CLSTN3: variants seen among roughly 807,000 people sequenced by gnomAD.
The protein encoded by CLSTN3 is calsyntenin-3.
Under a neutral mutation model 95.9 loss-of-function variants are expected in CLSTN3, and 36 were observed. That is an observed-to-expected ratio of 0.38 (90% CI 0.29 to 0.50). The LOEUF is 0.50. Ranked by LOEUF, CLSTN3 falls within the 20% of genes least tolerant of loss-of-function variation. The pLI is 0.95. For missense variants in CLSTN3, 1,084 were observed against 1,268.8 expected (o/e 0.85, Z 2.21); for synonymous variants, 481 against 504.0 (o/e 0.95, Z 0.61).
chr12:7,157,872 G>C lies in CLSTN3; in HGVS notation c.2731-69G>C. The C allele has an allele frequency of 6.5e-7, 1 of 1,538,700 alleles. No homozygotes were observed. The highest frequency in any genetic ancestry group is 8.7e-7 in the Non-Finnish European group (1 of 1,143,854). ...GGTTAAGGGGACCGAGGGAAGTGTGGTCCCTGAAAGAGAGGCTGGGATGTG... is the reference window on the plus strand; with the variant it reads ...GGTTAAGGGGACCGAGGGAAGTGTGCTCCCTGAAAGAGAGGCTGGGATGTG... On this transcript the variant is annotated intron_variant, in intron 17 of 17. Transcript: ENST00000266546. The surrounding 1 kb of genome is among the most constrained non-coding windows in gnomAD (Gnocchi z 5.9).
At position 7,157,674 on chromosome 12, in the gene CLSTN3, A is replaced by G; in HGVS notation, c.2713A>G (p.Ile905Val). 1 of 1,593,340 alleles carries G rather than the reference A, an allele frequency of 6.3e-7. No homozygotes were observed. Among genetic ancestry groups the G allele is most frequent in the Non-Finnish European group, 8.6e-7 (1 of 1,169,198 alleles). The change falls in exon 17 of 18, where the codon ATT becomes GTT. Residue 905 changes from isoleucine (I) to valine (V), a missense_variant. Ile to Val is a conservative substitution (Grantham distance 29, BLOSUM62 3). Coordinates refer to ENST00000266546, the MANE Select transcript of CLSTN3 (RefSeq NM_014718.4). The surrounding 1 kb of genome is among the most constrained non-coding windows in gnomAD (Gnocchi z 5.9). ...LFWDDSALTI[I>V]VNPMESYQNR... ...CTGGGATGACTCAGCTCTCACCATC[A>G]TTGTGAACCCCATGGAGGTGAGAGG...
At position 7,157,459 on chromosome 12, in the gene CLSTN3, G is replaced by A. The variant is rs368811776; in HGVS notation, c.2528-30G>A. 6.6e-5 allele frequency: 101 copies of A among 1,526,874 alleles called. No homozygotes were observed. Among genetic ancestry groups the A allele is most frequent in the Middle Eastern group, 5.5e-4 (3 of 5,406 alleles). 94.6% of individuals were successfully genotyped at this position (1,526,874 alleles called of 1,614,324 possible). ...AGTGCCCCCAGGTGTGCCTAGTCACGCTCTGCTCACCCCCGCGCTCTCTCT... is the reference window on the plus strand; with the variant it reads ...AGTGCCCCCAGGTGTGCCTAGTCACACTCTGCTCACCCCCGCGCTCTCTCT... On this transcript the variant is annotated intron_variant, in intron 16 of 17. Transcript: ENST00000266546. The surrounding 1 kb of genome is among the most constrained non-coding windows in gnomAD (Gnocchi z 5.9).
At position 7,133,480 on chromosome 12, in the gene CLSTN3, G is replaced by T; in HGVS notation, c.188-93G>T. The T allele has an allele frequency of 8.1e-7, 1 of 1,237,764 alleles. No homozygotes were observed. The highest frequency in any genetic ancestry group is 1.2e-6 in the Non-Finnish European group (1 of 855,508). The allele number at this position is 1,237,764 out of a possible 1,614,324, so 76.7% of individuals were successfully genotyped here. On this transcript the variant is annotated intron_variant, in intron 2 of 17. Coordinates refer to ENST00000266546, the MANE Select transcript of CLSTN3 (RefSeq NM_014718.4). The surrounding 1 kb of genome is among the most constrained non-coding windows in gnomAD (Gnocchi z 4.7). The stretch of plus-strand genomic sequence containing the variant: ...CCTACAGGAGAAGGGACAGGGCTTT[G>T]GGAGGAGAGGTGGAGCTGGACCCCA...
chr12:7,135,411 G>T lies in CLSTN3; in HGVS notation c.468G>T (p.Glu156Asp), dbSNP rs758688276. Residue 156 changes from glutamate to aspartate, a missense_variant, in exon 4 of 18, where the codon GAG becomes GAT. Transcript: ENST00000266546. ...GGCTGTATCGTGCGGCTGTGACAGA[G>T]GGGAAGCTGTACGATCGCATCCTGC... ...VERLYRAAVT[E>D]GKLYDRILRV... 2 of 1,614,168 alleles carry T rather than the reference G, an allele frequency of 1.2e-6. No individual in the cohort carries two copies. The highest frequency in any genetic ancestry group is 1.7e-5 in the Admixed American group (1 of 60,028).
intron 1 of CLSTN3, 183 bp from the exon 2 acceptor site, chr12:7,132,841 C>A: frequency 2.7e-6 from 2 of 728,080 alleles, no homozygotes; most frequent in South Asian, 1.6e-5. Context: ...CTCCCGCAGA[C>A]CCTCTGACTC....
intron 3 of CLSTN3, 92 bp from the exon 4 acceptor site, chr12:7,135,235 A>C (rs1939382379): frequency 3.4e-6 from 4 of 1,189,760 alleles, no homozygotes; most frequent in Non-Finnish European, 3.7e-6. Flanking sequence ...TCGAGGCTGT[A>C]CCTCGGTGTG....
intron 1 of CLSTN3, among the ~76,000 whole-genome samples, chr12:7,132,184 G>A (rs1939316917): frequency 6.6e-6 from 1 of 152,192 alleles, no homozygotes; most frequent in African/African-American, 2.4e-5. Context: ...GGATGGGGTA[G>A]ATAAGAACTG....
intron 12 of CLSTN3, among the ~76,000 whole-genome samples, chr12:7,146,392 C>A (rs1021012776): frequency 1.3e-5 from 2 of 152,050 alleles, no homozygotes; most frequent in African/African-American, 4.8e-5. Flanking sequence ...AAAGCGAGAC[C>A]CTGTCTCTAA....
Position 7,150,761 on chromosome 12 carries a change from A to G in CLSTN3, c.2391+72A>G, listed in dbSNP as rs1939709866. 9 of 1,585,886 alleles carry G rather than the reference A, an allele frequency of 5.7e-6. No homozygotes were observed. Among genetic ancestry groups the G allele is most frequent in the African/African-American group, 1.3e-5 (1 of 74,478 alleles). On this transcript the variant is annotated intron_variant, in intron 15 of 17. Transcript: ENST00000266546. The surrounding 1 kb of genome is among the most constrained non-coding windows in gnomAD (Gnocchi z 4.0). Reference sequence around the variant, plus strand: ...GGAGCTGAGGTGGCATGGACTCAAAATGTTAGTTGGTGGGCATGGACATGG... The same window carrying G: ...GGAGCTGAGGTGGCATGGACTCAAAGTGTTAGTTGGTGGGCATGGACATGG...
chr12:7,133,568 G>C lies in CLSTN3; in HGVS notation c.188-5G>C, dbSNP rs748515566. Reference sequence around the variant, plus strand: ...CCTCACTCCTCCCCTTCTCCCCTTTGCCAGGTGAGATCTGCGGCTTCCGGC... The same window carrying C: ...CCTCACTCCTCCCCTTCTCCCCTTTCCCAGGTGAGATCTGCGGCTTCCGGC... On this transcript the variant is annotated splice_region_variant and splice_polypyrimidine_tract_variant and intron_variant, in intron 2 of 17. Coordinates refer to ENST00000266546, the MANE Select transcript of CLSTN3 (RefSeq NM_014718.4). This position sits in a 1 kb window ranked among gnomAD's most constrained non-coding sequence, Gnocchi z 4.7. The C allele has an allele frequency of 6.2e-7, 1 of 1,613,752 alleles. No homozygotes were observed. Among genetic ancestry groups the C allele is most frequent in the Non-Finnish European group, 8.5e-7 (1 of 1,179,880 alleles).
chr12:7,143,234 G>A lies in CLSTN3; in HGVS notation c.1770G>A (p.Leu590=). 6.2e-7 allele frequency: 1 copy of A among 1,613,948 alleles called. No individual in the cohort carries two copies. Residue 590 remains leucine (L), a synonymous_variant, in exon 12 of 18, where the codon CTG becomes CTA. Coordinates refer to ENST00000266546, the MANE Select transcript of CLSTN3 (RefSeq NM_014718.4). ...GDDVETFNHA[L]QHVAYMNTLR... The stretch of plus-strand genomic sequence containing the variant: ...ATGTGGAGACCTTCAACCATGCCCT[G>A]CAGCATGTGGCTTACATGAACACTC...
chr12:7,150,790 C>A lies in CLSTN3; in HGVS notation c.2391+101C>A. ...TAGTTGGTGGGCATGGACATGGCAG[C>A]GTGGAGGGCTGCTGGACCTTGCAGT... On this transcript the variant is annotated intron_variant, in intron 15 of 17. Coordinates refer to ENST00000266546, the MANE Select transcript of CLSTN3 (RefSeq NM_014718.4). The surrounding 1 kb of genome is among the most constrained non-coding windows in gnomAD (Gnocchi z 4.0). 6.4e-7 allele frequency: 1 copy of A among 1,561,808 alleles called. No individual in the cohort carries two copies. Among genetic ancestry groups the A allele is most frequent in the African/African-American group, 1.3e-5 (1 of 74,280 alleles).
intron 3 of CLSTN3, among the ~76,000 whole-genome samples, chr12:7,134,301 G>T (rs1277943629): frequency 6.6e-6 from 1 of 152,220 alleles, no homozygotes; most frequent in Non-Finnish European, 1.5e-5. Context: ...ATAGCTCTAG[G>T]TGAGGGTGGG....
chr12:7,142,525 C>T lies in CLSTN3; in HGVS notation c.1541-344C>T, dbSNP rs760069807. ...ACGTTCTCTCCTGCCGCCTCCCCCT[C>T]CCTCCTTGTTTTGACTCTTTCCTCC... On this transcript the variant is annotated intron_variant, in intron 10 of 17. Coordinates refer to ENST00000266546, the MANE Select transcript of CLSTN3 (RefSeq NM_014718.4). Among the ~76,000 whole-genome samples, 8 of 152,144 alleles carry T rather than the reference C, an allele frequency of 5.3e-5. No homozygotes were observed. The East Asian group carries it at 1.5e-3, about 29-fold the overall frequency.
At chr12:7,132,877 A>C in intron 1 of CLSTN3, 147 bp from the exon 2 acceptor site, 2 of 1,068,982 alleles carry the variant, frequency 1.9e-6, no homozygotes, top group Non-Finnish European at 2.8e-6. Flanking sequence ...TCTTGTCCTC[A>C]ACCACCCGCC....
intron 12 of CLSTN3, 93 bp from the exon 13 acceptor site, chr12:7,148,879 T>C (rs1939672447): frequency 3.9e-6 from 4 of 1,028,304 alleles, no homozygotes; most frequent in Non-Finnish European, 5.8e-6. Context: ...TGCTCTATGA[T>C]AGAGGTAGCT....
Position 7,133,034 on chromosome 12 carries a change from C to T in CLSTN3, c.75C>T (p.His25=), listed in dbSNP as rs1386595439. ...ASCSCNKANK[H]KPWIEAEYQG... The stretch of plus-strand genomic sequence containing the variant: ...CTGGGGTGGGGCCAGCCAACAAGCA[C>T]AAGCCATGGATTGAGGCAGAGTACC... The change falls in exon 2 of 18, where the codon CAC becomes CAT. Residue 25 remains histidine, a synonymous_variant. Transcript: ENST00000266546. The surrounding 1 kb of genome is among the most constrained non-coding windows in gnomAD (Gnocchi z 4.7). 1 of 1,613,640 alleles carries T rather than the reference C, an allele frequency of 6.2e-7. No homozygotes were observed. The highest frequency in any genetic ancestry group is 1.1e-5 in the South Asian group (1 of 90,968).
At chr12:7,130,764 T>G in intron 1 of CLSTN3, 52 bp downstream of exon 1, 3 of 1,094,836 alleles carry the variant, frequency 2.7e-6, no homozygotes, top group South Asian at 1.4e-5. Context: ...GGCAGCGCCG[T>G]GCGGGGTGGG....
intron 3 of CLSTN3, 125 bp from the exon 4 acceptor site, chr12:7,135,202 A>G: frequency 1.1e-6 from 1 of 870,640 alleles, no homozygotes; most frequent in Non-Finnish European, 1.8e-6. Context: ...TGCCGTATCA[A>G]GGCTGTATCT....
Sources: allele counts gnomAD v4.1 joint callset (sites outside exome capture counted in the v4.1 genomes callset), GRCh38; gene constraint gnomAD v4.1.1; non-coding constraint Gnocchi (gnomAD v3.1); transcripts MANE v1.5; gene names NCBI Gene and HGNC (gene_info 2026-07-23, HGNC 2026-07-21).